RFX8: variants seen among roughly 807,000 people sequenced by gnomAD.
RFX8 encodes the protein regulatory factor X8.
Under a neutral mutation model 54.6 loss-of-function variants are expected in RFX8, and 46 were observed. The observed-to-expected ratio is 0.84, with a 90% CI of 0.67 to 1.08. The LOEUF (loss-of-function observed/expected upper bound fraction) is 1.08. RFX8 is among the 50% of genes least tolerant of loss of function. The probability of loss-of-function intolerance (pLI) is 0.00; values close to 1 mark genes in which losing one functional copy is unlikely to be tolerated. For synonymous variants in RFX8, 192 were observed against 209.5 expected (o/e 0.92, Z 0.72); for missense variants, 536 against 562.3 (o/e 0.95, Z 0.47).
chr2:101,442,435 A>AT (rs1688148622), intron 2 of RFX8, among the ~76,000 whole-genome samples: 1 of 151,878 alleles, frequency 6.6e-6, no homozygotes, highest in African/African-American at 2.4e-5. Flanking sequence ...CTAGTGGCAA[A>AT]TTTTTTTGGT....
intron 2 of RFX8, among the ~76,000 whole-genome samples, chr2:101,425,086 C>T (rs1687100993): frequency 6.6e-6 from 1 of 151,826 alleles, no homozygotes; most frequent in African/African-American, 2.4e-5. Flanking sequence ...ATGGGTGATG[C>T]TCACGTTGAT....
chr2:101,431,347 T>G (rs1372586817), intron 2 of RFX8, among the ~76,000 whole-genome samples: 1 of 152,150 alleles, frequency 6.6e-6, no homozygotes, highest in Non-Finnish European at 1.5e-5. Context: ...ACAGCTGAAG[T>G]GTCGGGTGCT....
chr2:101,454,949 G>A (rs1195536027), intron 2 of RFX8, among the ~76,000 whole-genome samples: 1 of 151,254 alleles, frequency 6.6e-6, no homozygotes, highest in African/African-American at 2.4e-5. Flanking sequence ...TGCTTTTGGT[G>A]TTTTAGTCAT....
At chr2:101,430,013 A>G (rs779456918) in intron 2 of RFX8, among the ~76,000 whole-genome samples, 5 of 152,240 alleles carry the variant, frequency 3.3e-5, no homozygotes, top group Non-Finnish European at 7.3e-5. Context: ...ACTGGGCAGA[A>G]TGCTTGATAC....
intron 1 of RFX8, among the ~76,000 whole-genome samples, chr2:101,468,991 AGTATATATATAC>A (rs1451880563): frequency 8.8e-5 from 11 of 125,084 alleles, no homozygotes; most frequent in East Asian, 4.6e-4. Flanking sequence ...TATATATATA[AGTATATATATAC>A]GTATATATAT....
chr2:101,421,683 T>C, intron 4 of RFX8, 41 bp downstream of exon 4: 2 of 1,531,582 alleles, frequency 1.3e-6, no homozygotes, highest in Non-Finnish European at 1.8e-6. Flanking sequence ...GCTTGTATTT[T>C]ATAGATAAAA....
At chr2:101,429,065 GTC>G (rs1380841510) in intron 2 of RFX8, 2 of 1,202,356 alleles carry the variant, frequency 1.7e-6, no homozygotes, top group Non-Finnish European at 2.4e-6. Flanking sequence ...CAAGACACCT[GTC>G]TCTGAGCAGA....
chr2:101,432,313 G>A (rs1177703598), intron 2 of RFX8, among the ~76,000 whole-genome samples: 1 of 152,222 alleles, frequency 6.6e-6, no homozygotes, highest in African/African-American at 2.4e-5. Context: ...CAAGGCAGGT[G>A]AGCAGAGTTG....
At chr2:101,407,777 A>G (rs1339132288) in intron 9 of RFX8, among the ~76,000 whole-genome samples, 2 of 152,088 alleles carry the variant, frequency 1.3e-5, no homozygotes, top group East Asian at 3.8e-4. Context: ...TCTCTGCACA[A>G]ATGTTTGAAA....
chr2:101,439,253 TTTTGAGCCTTC>T (rs55941012), intron 2 of RFX8, among the ~76,000 whole-genome samples: 114,588 of 151,610 alleles, frequency 0.76, 44,254 homozygotes, highest in Middle Eastern at 0.88. Flanking sequence ...TACTGTTGAC[TTTTGAGCCTTC>T]TTTCTATATT....
At chr2:101,424,759 C>G (rs904906146) in intron 2 of RFX8, among the ~76,000 whole-genome samples, 1 of 152,084 alleles carries the variant, frequency 6.6e-6, no homozygotes, top group Non-Finnish European at 1.5e-5. Context: ...AGCAAACTAT[C>G]GCAAGGACAG....
intron 2 of RFX8, among the ~76,000 whole-genome samples, chr2:101,464,450 CT>C (rs1323577016): frequency 6.6e-5 from 10 of 152,224 alleles, no homozygotes; most frequent in Admixed American, 2.6e-4. Flanking sequence ...TGCACAGGAA[CT>C]TGGTGAGAAA....
At position 101,417,494 on chromosome 2, in the gene RFX8, C is replaced by T. The variant is rs781399163; in HGVS notation, c.502+40G>A. On this transcript the variant is annotated intron_variant, in intron 6 of 11. Transcript: ENST00000428343. ...GTGCTGGGATTACAGGCATGAGCCACTGTGCCAGCCCAGAATTTATTTTTT... is the reference window on the plus strand; with the variant it reads ...GTGCTGGGATTACAGGCATGAGCCATTGTGCCAGCCCAGAATTTATTTTTT... The T allele has an allele frequency of 3.3e-6, 5 of 1,524,502 alleles. No homozygotes were observed. In the African/African-American group the frequency reaches 5.5e-5, roughly 17 times the overall value. 94.4% of individuals were successfully genotyped at this position (1,524,502 alleles called of 1,614,324 possible).
chr2:101,472,211 C>T (rs1248352634), intron 1 of RFX8, among the ~76,000 whole-genome samples: 1 of 152,180 alleles, frequency 6.6e-6, no homozygotes, highest in Non-Finnish European at 1.5e-5. Context: ...AGCGATTCTT[C>T]TGCCTCAGCC....
intron 2 of RFX8, among the ~76,000 whole-genome samples, chr2:101,433,101 C>T (rs897533075): frequency 6.6e-6 from 1 of 152,144 alleles, no homozygotes; most frequent in East Asian, 1.9e-4. Flanking sequence ...AGAATTCCCG[C>T]AGCACAGTGG....
In RFX8 at chr2:101,457,736, G is replaced by C. The variant is rs984229825; in HGVS notation, c.72+9041C>G. Reference sequence around the variant, plus strand: ...ATGTCTATTAGGTCTGCTTGGTGCAGAGCTGAGTTTAGGTCCCAGATATCC... The same window carrying C: ...ATGTCTATTAGGTCTGCTTGGTGCACAGCTGAGTTTAGGTCCCAGATATCC... On this transcript the variant is annotated intron_variant, in intron 2 of 11. Coordinates refer to ENST00000428343, the MANE Select transcript of RFX8 (RefSeq NM_001145664.2). 2.0e-5 allele frequency among the ~76,000 whole-genome samples: 3 copies of C among 152,218 alleles called. No individual in the cohort carries two copies. The East Asian group carries it at 5.8e-4, about 29-fold the overall frequency.
At chr2:101,404,614 AC>A (rs1367391773) in intron 10 of RFX8, among the ~76,000 whole-genome samples, 1 of 151,042 alleles carries the variant, frequency 6.6e-6, no homozygotes, top group Non-Finnish European at 1.5e-5. Context: ...TTTCGTAGTG[AC>A]AGGGTTTCAC....
intron 11 of RFX8, among the ~76,000 whole-genome samples, chr2:101,398,671 C>T (rs745905294): frequency 4.6e-5 from 7 of 152,192 alleles, no homozygotes; most frequent in South Asian, 2.1e-4. Flanking sequence ...CTTCACCTGA[C>T]GAGCAAGTCT....
intron 2 of RFX8, among the ~76,000 whole-genome samples, chr2:101,432,840 A>G (rs1687565427): frequency 2.6e-5 from 4 of 152,224 alleles, no homozygotes; most frequent in Non-Finnish European, 5.9e-5. Context: ...TAGCAATGCC[A>G]AATCACCGAG....
Sources: gnomAD v4.1 joint callset for allele counts (sites outside exome capture counted in the v4.1 genomes callset) on GRCh38, gnomAD v4.1.1 for gene constraint, MANE v1.5 for transcripts, NCBI Gene and HGNC (gene_info 2026-07-23, HGNC 2026-07-21) for gene names.